Variants in DMD observed in about 807,000 individuals in gnomAD.
DMD encodes dystrophin.
Under a neutral mutation model 330.1 loss-of-function variants are expected in DMD, and 63 were observed. The observed-to-expected ratio is 0.19, with a 90% CI of 0.16 to 0.24. The LOEUF is 0.24. Among genes scored for constraint, DMD ranks in the 10% least tolerant of loss-of-function variants. The probability of loss-of-function intolerance (pLI) is 1.00; values close to 1 mark genes in which losing one functional copy is unlikely to be tolerated. For synonymous variants in DMD, 1,223 were observed against 959.8 expected, an observed-to-expected ratio of 1.27 and a Z score of -5.07; for missense variants, 3,344 against 2,684.1, an observed-to-expected ratio of 1.25 and a Z score of -5.43.
At chrX:32,319,491 G>A (rs985130384) in intron 41 of DMD, among the ~76,000 whole-genome samples, 7 of 110,831 alleles carry the variant, frequency 6.3e-5, no homozygotes, top group Non-Finnish European at 1.3e-4. Context: ...ACAATTGCTG[G>A]GATTTACATT....
intron 44 of DMD, among the ~76,000 whole-genome samples, chrX:31,983,272 T>C (rs2095488685): frequency 1.9e-5 from 2 of 106,564 alleles, no homozygotes; most frequent in African/African-American, 6.6e-5. Flanking sequence ...TCCCATTCAA[T>C]ACCATTCTTT....
chrX:31,476,005 C>T (rs1167526265), intron 59 of DMD, among the ~76,000 whole-genome samples: 4 of 110,894 alleles, frequency 3.6e-5, no homozygotes, highest in African/African-American at 1.3e-4. Flanking sequence ...CAAAGATGTA[C>T]AGCATGATCC....
At chrX:33,084,271 C>G (rs767434985) in intron 1 of DMD, among the ~76,000 whole-genome samples, 2 of 112,037 alleles carry the variant, frequency 1.8e-5, no homozygotes, top group South Asian at 7.4e-4. Context: ...GGTGAGCCCC[C>G]AAATTTGTAA....
At chrX:32,213,157 G>A (rs2097099456) in intron 44 of DMD, among the ~76,000 whole-genome samples, 1 of 112,307 alleles carries the variant, frequency 8.9e-6, no homozygotes, top group Admixed American at 9.4e-5. Context: ...GCTTCTGCGT[G>A]TGTTTGTTTA....
intron 61 of DMD, among the ~76,000 whole-genome samples, chrX:31,333,959 G>A: frequency 9.2e-6 from 1 of 108,705 alleles, no homozygotes; most frequent in South Asian, 4.0e-4. Flanking sequence ...TGGATACAGA[G>A]TCTTGCTCCG....
rs1343598224 is a variant in DMD, at chrX:33,009,567, TGTGTATATAC to T, written c.93+10562_93+10571del. ...ATACACATATGTGTGTATGTGTGTA[TGTGTATATAC>T]ACATATGTGTGTATGTGTGTATGTG... On this transcript the variant is annotated intron_variant, in intron 2 of 78. Coordinates refer to ENST00000357033, the MANE Select transcript of DMD (RefSeq NM_004006.3). 9.7e-5 allele frequency among the ~76,000 whole-genome samples: 5 copies of T among 51,469 alleles called. 1 individual carries two copies. Among genetic ancestry groups the T allele is most frequent in the African/African-American group, 2.6e-4 (5 of 19,185 alleles). The allele number at this position is 51,469 out of a possible 115,157, so 44.7% of individuals were successfully genotyped here.
At chrX:31,943,528 CAA>C (rs1243568999) in intron 45 of DMD, among the ~76,000 whole-genome samples, 4 of 111,802 alleles carry the variant, frequency 3.6e-5, no homozygotes, top group Non-Finnish European at 7.5e-5. Flanking sequence ...GGAAAATAGT[CAA>C]AAGACCTATG....
chrX:32,277,303 A>C (rs2097394182), intron 43 of DMD, among the ~76,000 whole-genome samples: 1 of 111,842 alleles, frequency 8.9e-6, no homozygotes, highest in African/African-American at 3.2e-5. Context: ...ACAACACTGG[A>C]GTACAGATAT....
intron 64 of DMD, among the ~76,000 whole-genome samples, chrX:31,214,623 G>A (rs1336792445): frequency 8.9e-6 from 1 of 111,922 alleles, no homozygotes; most frequent in South Asian, 3.8e-4. Flanking sequence ...ATGATCTTGT[G>A]GCTGACTGGG....
intron 25 of DMD, among the ~76,000 whole-genome samples, chrX:32,460,083 C>G (rs1007804951): frequency 1.8e-5 from 2 of 108,131 alleles, no homozygotes; most frequent in African/African-American, 6.9e-5. Context: ...ACAGTTATTT[C>G]CAAAAGAAGA....
chrX:31,503,810 A>C (rs2070666554), intron 56 of DMD, among the ~76,000 whole-genome samples: 1 of 110,879 alleles, frequency 9.0e-6, no homozygotes, highest in Non-Finnish European at 1.9e-5. Flanking sequence ...CTCTTGGCTC[A>C]GAGAATCTAT....
chrX:31,924,177 C>T (rs2094734976), intron 47 of DMD, among the ~76,000 whole-genome samples: 1 of 111,324 alleles, frequency 9.0e-6, no homozygotes, highest in Non-Finnish European at 1.9e-5. Flanking sequence ...GTTGAAAAAA[C>T]ATCACGTTAA....
intron 6 of DMD, among the ~76,000 whole-genome samples, chrX:32,810,442 C>T (rs1476398583): frequency 1.8e-5 from 2 of 111,368 alleles, no homozygotes; most frequent in Non-Finnish European, 3.8e-5. Flanking sequence ...TGATGTTTAT[C>T]CTCATCATAC....
At chrX:32,048,711 G>A (rs1380233540) in intron 44 of DMD, among the ~76,000 whole-genome samples, 1 of 110,945 alleles carries the variant, frequency 9.0e-6, no homozygotes, top group Non-Finnish European at 1.9e-5. Flanking sequence ...AAGGGACGTT[G>A]TTTTCTTTAT....
At chrX:32,685,640 A>C (rs2062803111) in intron 9 of DMD, among the ~76,000 whole-genome samples, 1 of 111,855 alleles carries the variant, frequency 8.9e-6, no homozygotes, top group African/African-American at 3.2e-5. Flanking sequence ...CACTTTAAAT[A>C]AGTTACCTAA....
chrX:31,940,723 T>C (rs1211661956), intron 45 of DMD, among the ~76,000 whole-genome samples: 2 of 108,642 alleles, frequency 1.8e-5, no homozygotes, highest in African/African-American at 6.7e-5. Context: ...ATAGGTAATA[T>C]AGAAATAAAG....
intron 7 of DMD, among the ~76,000 whole-genome samples, chrX:32,717,442 G>T (rs2065845551): frequency 2.7e-5 from 3 of 111,928 alleles, no homozygotes; most frequent in South Asian, 3.7e-4. Context: ...CTGCAAGTGT[G>T]CAGAGTGTGA....
intron 60 of DMD, among the ~76,000 whole-genome samples, chrX:31,406,637 C>T (rs1401047411): frequency 9.0e-6 from 1 of 110,923 alleles, no homozygotes; most frequent in Non-Finnish European, 1.9e-5. Context: ...CATTTTCATT[C>T]TCCAAAAGCC....
chrX:31,314,738 T>TAC (rs1483417811), intron 62 of DMD, among the ~76,000 whole-genome samples: 50 of 15,118 alleles, frequency 3.3e-3, no homozygotes, highest in South Asian at 0.013. Flanking sequence ...AAAGAATACA[T>TAC]ACACAGAGAG....
Sources: allele counts gnomAD v4.1 joint callset (sites outside exome capture counted in the v4.1 genomes callset), GRCh38; gene constraint gnomAD v4.1.1; transcripts MANE v1.5; gene names NCBI Gene and HGNC (gene_info 2026-07-23, HGNC 2026-07-21).